ZIC4: variants seen among roughly 807,000 people sequenced by gnomAD.
ZIC4 encodes Zic family zinc finger 4.
Under a neutral mutation model 28.8 loss-of-function variants are expected in ZIC4, and 15 were observed. That is an observed-to-expected ratio of 0.52 (90% CI 0.35 to 0.80). ZIC4 has a LOEUF of 0.80. Ranked by LOEUF, ZIC4 falls within the 30% of genes least tolerant of loss-of-function variation. ZIC4 has a pLI of 0.01. For missense variants in ZIC4, 512 were observed against 467.1 expected (o/e 1.10, Z -0.89); for synonymous variants, 220 against 198.1 (o/e 1.11, Z -0.93).
chr3:147,393,993 G>T, intron 3 of ZIC4: 1 of 454,920 alleles, frequency 2.2e-6, no homozygotes, highest in Non-Finnish European at 4.4e-6. Context: ...TGCCGCTTCT[G>T]CTACTCGAGG....
At chr3:147,391,314 C>T in intron 3 of ZIC4, 68 bp from the exon 4 acceptor site, 14 of 1,457,058 alleles carry the variant, frequency 9.6e-6, no homozygotes, top group African/African-American at 1.4e-5. Context: ...TGCCACCCTC[C>T]CCCATTCGTC....
Position 147,396,899 on chromosome 3 carries a change from G to A in ZIC4, c.71-430C>T, listed in dbSNP as rs1416227130. 1 of 159,938 alleles carries A rather than the reference G, an allele frequency of 6.3e-6. No individual in the cohort carries two copies. The highest frequency in any genetic ancestry group is 1.4e-5 in the Non-Finnish European group (1 of 73,734). The allele number at this position is 159,938 out of a possible 1,614,324, so 9.9% of individuals were successfully genotyped here. On this transcript the variant is annotated intron_variant, in intron 2 of 4. Coordinates refer to ENST00000383075, the MANE Select transcript of ZIC4 (RefSeq NM_032153.6). This position sits in a 1 kb window ranked among gnomAD's most constrained non-coding sequence, Gnocchi z 4.2. ...TGACAGAAATGATGATGTTGGAGGT[G>A]GTGGTGGTTCTGAAGCGCCCCAGCC...
intron 3 of ZIC4, 56 bp from the exon 4 acceptor site, chr3:147,391,302 C>T: frequency 6.7e-7 from 1 of 1,491,326 alleles, no homozygotes; most frequent in Non-Finnish European, 9.0e-7. Flanking sequence ...CCGTCAGGTG[C>T]TTGCCACCCT....
At chr3:147,402,299 C>G (rs2087181393) in intron 2 of ZIC4, among the ~76,000 whole-genome samples, 2 of 152,170 alleles carry the variant, frequency 1.3e-5, no homozygotes, top group African/African-American at 4.8e-5. Context: ...ATCATGTAAA[C>G]CCCATCATCC....
rs1407859718 is a variant in ZIC4, at chr3:147,389,198, A to G, written c.*-339T>C. 2.4e-5 allele frequency: 9 copies of G among 376,048 alleles called. No individual in the cohort carries two copies. In the East Asian group the frequency reaches 4.2e-4, roughly 18 times the overall value. 23.3% of individuals were successfully genotyped at this position (376,048 alleles called of 1,614,324 possible). A position where few individuals can be genotyped will look rare whatever the true frequency, so the allele number is the denominator to read the frequency against. Reference sequence around the variant, plus strand: ...CCTTTCTCAAGGACGGATTCACTAAAGGTGTATTTGGAAGACTGCATTTTT... The same window carrying G: ...CCTTTCTCAAGGACGGATTCACTAAGGGTGTATTTGGAAGACTGCATTTTT... On this transcript the variant is annotated intron_variant, in intron 4 of 4. Coordinates refer to ENST00000383075, the MANE Select transcript of ZIC4 (RefSeq NM_032153.6).
At chr3:147,403,920 C>T (rs2087219741) in intron 1 of ZIC4, 1 of 1,504,546 alleles carries the variant, frequency 6.6e-7, no homozygotes, top group South Asian at 1.3e-5. Context: ...TCCATCTCCC[C>T]TCTTTTCTAG....
At chr3:147,389,082 T>C (rs1179762558) in intron 4 of ZIC4, 1 of 584,044 alleles carries the variant, frequency 1.7e-6, no homozygotes, top group Non-Finnish European at 3.0e-6. Flanking sequence ...TGTTTCACTA[T>C]GGGAAGGAGT....
In ZIC4 at chr3:147,391,086, C is replaced by G. The variant is rs368860372; in HGVS notation, c.849G>C (p.Lys283Asn). 1 of 1,614,128 alleles carries G rather than the reference C, an allele frequency of 6.2e-7. No homozygotes were observed. Among genetic ancestry groups the G allele is most frequent in the Non-Finnish European group, 8.5e-7 (1 of 1,180,036 alleles). The part of the protein sequence containing the change: ...KCYTHPSSLR[K>N]HMKVHGRSPP... ...GCGAGCGCCCGTGCACCTTCATGTG[C>G]TTACGCAGCGAGCTGGGGTGCGTGT... The change falls in exon 4 of 5, where the codon AAG (lysine) becomes AAC (asparagine). Residue 283 changes from lysine to asparagine, a missense_variant. Lys to Asn is a moderately conservative substitution (Grantham distance 94, BLOSUM62 0). Transcript: ENST00000383075.
At chr3:147,393,820 G>A (rs1010235483) in intron 3 of ZIC4, 5 of 453,326 alleles carry the variant, frequency 1.1e-5, no homozygotes, top group South Asian at 3.1e-5. Flanking sequence ...TGGCCAGGCC[G>A]AGCGCGGTTG....
At chr3:147,393,163 C>T (rs960610704) in intron 3 of ZIC4, among the ~76,000 whole-genome samples, 13 of 149,398 alleles carry the variant, frequency 8.7e-5, no homozygotes, top group African/African-American at 2.4e-5. Context: ...TCCCGCCAAA[C>T]GCTTATCCGA....
chr3:147,401,186 C>T (rs1461622530), intron 2 of ZIC4, among the ~76,000 whole-genome samples: 1 of 152,100 alleles, frequency 6.6e-6, no homozygotes, highest in Non-Finnish European at 1.5e-5. Flanking sequence ...AATGCAGTGG[C>T]ATAAACAAGT....
intron 4 of ZIC4, among the ~76,000 whole-genome samples, chr3:147,390,221 C>T (rs534996140): frequency 3.3e-5 from 5 of 152,148 alleles, no homozygotes; most frequent in East Asian, 1.9e-4. Context: ...CCCTTACCTC[C>T]TTTATAGAGG....
chr3:147,391,017 G>C lies in ZIC4; in HGVS notation c.918C>G (p.Leu306=). The change falls in exon 4 of 5, where the codon CTC becomes CTG. Residue 306 remains leucine (L), a synonymous_variant. Coordinates refer to ENST00000383075, the MANE Select transcript of ZIC4 (RefSeq NM_032153.6). ...GGCCGCAGTCCGACGAGGGCGACACGAGGGCAGACGGTGTAGCCGAATCGT... is the reference window on the plus strand; with the variant it reads ...GGCCGCAGTCCGACGAGGGCGACACCAGGGCAGACGGTGTAGCCGAATCGT... The part of the protein sequence containing the change: ...SGYDSATPSA[L]VSPSSDCGHK... 1.2e-6 allele frequency: 2 copies of C among 1,613,634 alleles called. No individual in the cohort carries two copies. The highest frequency in any genetic ancestry group is 2.2e-5 in the East Asian group (1 of 44,864).
intron 3 of ZIC4, chr3:147,393,969 A>C: frequency 2.2e-6 from 1 of 456,612 alleles, no homozygotes; most frequent in South Asian, 1.6e-5. Context: ...GCTCCTGAGA[A>C]ATTTGCTCCT....
chr3:147,397,504 C>G (rs963739678), intron 2 of ZIC4, among the ~76,000 whole-genome samples: 1 of 152,184 alleles, frequency 6.6e-6, no homozygotes, highest in Admixed American at 6.5e-5. Context: ...GCCTCCTCCC[C>G]CTCCTCTCCG....
Position 147,396,222 on chromosome 3 carries a change from G to T in ZIC4, c.318C>A (p.Asn106Lys). The stretch of plus-strand genomic sequence containing the variant: ...CGCCAGGACCGTGGGGCGCAGCGAG[G>T]TTCACCGTCAGGTTCATGCCCCCGT... Reference protein sequence around the residue: ...HGYGGMNLTVNLAAPHGPGAF... With the variant: ...HGYGGMNLTVKLAAPHGPGAF... The change falls in exon 3 of 5, where the codon AAC (asparagine) becomes AAA (lysine). Residue 106 changes from asparagine (N) to lysine (K), a missense_variant. Asn to Lys is a moderately conservative substitution (Grantham distance 94, BLOSUM62 0). Around this residue, in one of 3 missense-constraint regions of ZIC4, gnomAD observed 310 missense variants for 256.5 expected, o/e 1.21. Coordinates refer to ENST00000383075, the MANE Select transcript of ZIC4 (RefSeq NM_032153.6). The surrounding 1 kb of genome is among the most constrained non-coding windows in gnomAD (Gnocchi z 4.2). 1 of 1,613,962 alleles carries T rather than the reference G, an allele frequency of 6.2e-7. No homozygotes were observed. The highest frequency in any genetic ancestry group is 8.5e-7 in the Non-Finnish European group (1 of 1,179,942).
intron 2 of ZIC4, chr3:147,397,010 C>A (rs2087062958): frequency 6.6e-6 from 1 of 152,480 alleles, no homozygotes; most frequent in Admixed American, 6.5e-5. Flanking sequence ...CTGTACCGGG[C>A]CGCTAACACC....
At position 147,388,829 on chromosome 3, in the gene ZIC4, G is replaced by A. The variant is rs2086847706; in HGVS notation, c.*30C>T. ...TGCGGGGCGCTCAGCTGCGCGGAGC[G>A]AGATTACCTTGCGAGCAACGCGGTG... is the stretch of plus-strand genomic sequence containing the variant. On this transcript the variant is annotated 3_prime_UTR_variant, in exon 5 of 5. Transcript: ENST00000383075. The A allele has an allele frequency of 2.6e-6, 2 of 779,014 alleles. No individual in the cohort carries two copies. Among genetic ancestry groups the A allele is most frequent in the East Asian group, 2.4e-5 (1 of 41,216 alleles). 48.3% of individuals were successfully genotyped at this position (779,014 alleles called of 1,614,324 possible). A position where few individuals can be genotyped will look rare whatever the true frequency, so the allele number is the denominator to read the frequency against.
intron 3 of ZIC4, among the ~76,000 whole-genome samples, chr3:147,394,800 G>C (rs768595807): frequency 2.6e-5 from 4 of 152,254 alleles, no homozygotes; most frequent in Non-Finnish European, 5.9e-5. Context: ...GGAAGGGAGA[G>C]TTTGGGGAGA....
Sources: allele counts gnomAD v4.1 joint callset (sites outside exome capture counted in the v4.1 genomes callset), GRCh38; gene constraint gnomAD v4.1.1; regional missense constraint gnomAD v4.1.1; non-coding constraint Gnocchi (gnomAD v3.1); transcripts MANE v1.5; gene names NCBI Gene and HGNC (gene_info 2026-07-23, HGNC 2026-07-21).